Variants in SLC2A2 observed in about 807,000 individuals in gnomAD.
SLC2A2 encodes the protein solute carrier family 2, facilitated glucose transporter member 2.
SLC2A2 carries 36 observed loss-of-function variants against 54.5 expected under a neutral mutation model. The ratio of observed to expected loss-of-function variants is 0.66; its 90% CI spans 0.51 to 0.87. The LOEUF (loss-of-function observed/expected upper bound fraction) is 0.87. SLC2A2 is among the 40% of genes least tolerant of loss of function. SLC2A2 has a pLI of 0.00. For synonymous variants in SLC2A2, 223 were observed against 219.1 expected (o/e 1.02, Z -0.16); for missense variants, 543 against 624.3 (o/e 0.87, Z 1.39).
At chr3:171,002,533 G>T in intron 8 of SLC2A2, 43 bp downstream of exon 8, 2 of 1,303,538 alleles carry the variant, frequency 1.5e-6, no homozygotes, top group Non-Finnish European at 1.1e-6. Context: ...GCAATTTCTG[G>T]ACTAAGGAAC....
In SLC2A2 at chr3:171,010,015, A is replaced by G. The variant is rs1479163670; in HGVS notation, c.439T>C (p.Leu147=). The stretch of plus-strand genomic sequence containing the variant: ...ATTATAAGTATATGAGATGGTCCCA[A>G]TTTTGAAAACCCCATCAAGAGAGCT... The part of the protein sequence containing the change: ...VGALLMGFSK[L]GPSHILIIAG... Residue 147 remains leucine, a synonymous_variant, in exon 4 of 11, where the codon TTG becomes CTG. Transcript: ENST00000314251. 1.9e-6 allele frequency: 3 copies of G among 1,612,462 alleles called. No homozygotes were observed. The highest frequency in any genetic ancestry group is 2.2e-5 in the East Asian group (1 of 44,798).
At chr3:171,025,941 A>G (rs1716668315) in intron 1 of SLC2A2, among the ~76,000 whole-genome samples, 1 of 152,164 alleles carries the variant, frequency 6.6e-6, no homozygotes, top group Non-Finnish European at 1.5e-5. Context: ...ACTGGTTAAC[A>G]TTCACCAATT....
chr3:171,005,792 A>G (rs546841052), intron 6 of SLC2A2, 151 bp downstream of exon 6: 420 of 774,294 alleles, frequency 5.4e-4, no homozygotes, highest in Admixed American at 1.1e-3. Context: ...GTGAATGCCT[A>G]TGGGTGCCAA....
chr3:171,019,097 G>GTGTATA (rs1553788507), intron 1 of SLC2A2, among the ~76,000 whole-genome samples: 2 of 20,168 alleles, frequency 9.9e-5, no homozygotes, highest in East Asian at 2.6e-3. Flanking sequence ...GTGTGTGTGT[G>GTGTATA]TATATATATA....
At position 170,998,263 on chromosome 3, in the gene SLC2A2, G is replaced by A; in HGVS notation, c.1304C>T (p.Ala435Val). 1 of 1,613,844 alleles carries A rather than the reference G, an allele frequency of 6.2e-7. No homozygotes were observed. The highest frequency in any genetic ancestry group is 8.5e-7 in the Non-Finnish European group (1 of 1,179,818). ...EFFSQGPRPA[A>V]LAIAAFSNWT... ...ATTGCTGAATGCAGCTATTGCTAAAGCAGCAGGACGTGGTCCTTGACTGAA... is the reference window on the plus strand; with the variant it reads ...ATTGCTGAATGCAGCTATTGCTAAAACAGCAGGACGTGGTCCTTGACTGAA... Residue 435 changes from alanine to valine, a missense_variant, in exon 10 of 11, where the codon GCT becomes GTT. Around this residue, in one of 3 missense-constraint regions of SLC2A2, gnomAD observed 108 missense variants for 101.3 expected, o/e 1.07. Coordinates refer to ENST00000314251, the MANE Select transcript of SLC2A2 (RefSeq NM_000340.2).
chr3:171,008,241 A>T (rs972949001), intron 4 of SLC2A2, among the ~76,000 whole-genome samples: 1 of 152,086 alleles, frequency 6.6e-6, no homozygotes, highest in Non-Finnish European at 1.5e-5. Context: ...AATGCTTCAA[A>T]TTGTTCTTAA....
chr3:171,026,509 C>T, intron 1 of SLC2A2, 147 bp downstream of exon 1: 1 of 734,642 alleles, frequency 1.4e-6, no homozygotes, highest in Non-Finnish European at 2.5e-6. Context: ...GAATAAGAAA[C>T]AGTTCTTCAA....
At chr3:171,016,864 T>C (rs1172762982) in intron 2 of SLC2A2, among the ~76,000 whole-genome samples, 1 of 151,404 alleles carries the variant, frequency 6.6e-6, no homozygotes, top group Non-Finnish European at 1.5e-5. Flanking sequence ...TTTTTTTTTT[T>C]TTTTTTGAGA....
intron 1 of SLC2A2, among the ~76,000 whole-genome samples, chr3:171,021,743 G>C (rs1716476996): frequency 6.6e-6 from 1 of 152,226 alleles, no homozygotes. Flanking sequence ...ATGGAATTCA[G>C]TTCCTCTTGG....
chr3:170,999,812 G>A lies in SLC2A2; in HGVS notation c.1069-646C>T, dbSNP rs1271277557. On this transcript the variant is annotated intron_variant, in intron 8 of 10. Transcript: ENST00000314251. ...AGTGAACTATTCGTTTTAAAAGTTA[G>A]CACTTTAAAGCAAAGGGTTAAAATG... 2.0e-5 allele frequency among the ~76,000 whole-genome samples: 3 copies of A among 152,068 alleles called. No homozygotes were observed. In the East Asian group the frequency reaches 5.8e-4, roughly 29 times the overall value.
chr3:171,018,721 G>A (rs968552691), intron 1 of SLC2A2, 98 bp from the exon 2 acceptor site: 11 of 808,888 alleles, frequency 1.4e-5, no homozygotes, highest in Non-Finnish European at 2.4e-5. Context: ...GGCTCCACAG[G>A]CTGGTTCTTT....
chr3:171,018,518 A>G lies in SLC2A2; in HGVS notation c.108+13T>C, dbSNP rs1426849274. On this transcript the variant is annotated intron_variant, in intron 2 of 10. Coordinates refer to ENST00000314251, the MANE Select transcript of SLC2A2 (RefSeq NM_000340.2). ...AACTTGCCAAAAAGAGAACTTCTAC[A>G]TATTTCACTTGCCTGTTGAGGTGCA... 31 of 1,573,236 alleles carry G rather than the reference A, an allele frequency of 2.0e-5. No individual in the cohort carries two copies. The highest frequency in any genetic ancestry group is 2.2e-5 in the Non-Finnish European group (25 of 1,142,712).
intron 1 of SLC2A2, among the ~76,000 whole-genome samples, chr3:171,024,753 G>A (rs1387604276): frequency 6.6e-6 from 1 of 152,048 alleles, no homozygotes; most frequent in Non-Finnish European, 1.5e-5. Context: ...AGCATTTTGG[G>A]CATATTCAGT....
intron 3 of SLC2A2, among the ~76,000 whole-genome samples, chr3:171,012,839 C>G (rs543869745): frequency 6.6e-6 from 1 of 152,236 alleles, no homozygotes; most frequent in African/African-American, 2.4e-5. Flanking sequence ...AGAAACCTCA[C>G]TTTTTGTTTA....
chr3:170,997,324 AT>A lies in SLC2A2; in HGVS notation c.*578del, dbSNP rs1331697385. ...AAAATGAAAGTTTTTCTCTATAGAC[AT>A]TTTTTAGTATACTCTATAATCCATT... On this transcript the variant is annotated 3_prime_UTR_variant, in exon 11 of 11. Transcript: ENST00000314251. 2.6e-5 allele frequency: 4 copies of A among 152,132 alleles called. No individual in the cohort carries two copies. The highest frequency in any genetic ancestry group is 9.7e-5 in the African/African-American group (4 of 41,430). 9.4% of individuals were successfully genotyped at this position (152,132 alleles called of 1,614,324 possible). A position where few individuals can be genotyped will look rare whatever the true frequency, so the allele number is the denominator to read the frequency against.
chr3:171,019,123 A>G (rs916860382), intron 1 of SLC2A2, among the ~76,000 whole-genome samples: 1 of 8,764 alleles, frequency 1.1e-4, no homozygotes, highest in South Asian at 4.5e-3. Flanking sequence ...ATATATATAT[A>G]CGTATGTATA....
At chr3:171,005,165 T>C (rs1715532062) in intron 7 of SLC2A2, 120 bp downstream of exon 7, 2 of 845,992 alleles carry the variant, frequency 2.4e-6, no homozygotes, top group Non-Finnish European at 4.0e-6. Context: ...ACGTTTGTTA[T>C]AGCAAGACCC....
intron 1 of SLC2A2, among the ~76,000 whole-genome samples, chr3:171,019,075 G>A (rs545783260): frequency 2.1e-4 from 28 of 134,460 alleles, no homozygotes; most frequent in East Asian, 1.4e-3. Context: ...GTGTGTGTGT[G>A]TATATATATA....
intron 4 of SLC2A2, among the ~76,000 whole-genome samples, chr3:171,009,633 AC>A (rs981372051): frequency 1.3e-5 from 2 of 152,066 alleles, no homozygotes; most frequent in Non-Finnish European, 2.9e-5. Flanking sequence ...TCTCACAATC[AC>A]CCTATAAGGT....
Sources: allele counts gnomAD v4.1 joint callset (sites outside exome capture counted in the v4.1 genomes callset), GRCh38; gene constraint gnomAD v4.1.1; regional missense constraint gnomAD v4.1.1; transcripts MANE v1.5; gene names NCBI Gene and HGNC (gene_info 2026-07-23, HGNC 2026-07-21).